The following DYSF variants were observed in gnomAD, a reference collection of about 807,000 sequenced individuals.
DYSF encodes dystrophy-associated fer-1-like 1.
Under a neutral mutation model 274.9 loss-of-function variants are expected in DYSF, and 212 were observed. The observed-to-expected ratio is 0.77, with a 90% confidence interval of 0.69 to 0.86. The LOEUF (loss-of-function observed/expected upper bound fraction) is 0.86. DYSF is among the 40% of genes least tolerant of loss of function. The pLI is 0.00. For missense variants in DYSF, 2,666 were observed against 2,783.2 expected (o/e 0.96, Z 0.95); for synonymous variants, 1,091 against 1,078.7 (o/e 1.01, Z -0.22).
At chr2:71,461,089 A>G (rs547556153) in intron 1 of DYSF, among the ~76,000 whole-genome samples, 1 of 152,220 alleles carries the variant, frequency 6.6e-6, no homozygotes, top group Non-Finnish European at 1.5e-5. Context: ...AGTGTCCACT[A>G]TACCAATGCC....
At chr2:71,586,472 C>G (rs569436744) in intron 30 of DYSF, among the ~76,000 whole-genome samples, 3 of 151,886 alleles carry the variant, frequency 2.0e-5, no homozygotes, top group African/African-American at 7.3e-5. Context: ...GTTTTGGAAC[C>G]CAGGCAGTAT....
At chr2:71,499,479 C>T (rs977823644) in intron 3 of DYSF, among the ~76,000 whole-genome samples, 1 of 152,214 alleles carries the variant, frequency 6.6e-6, no homozygotes, top group Non-Finnish European at 1.5e-5. Flanking sequence ...TTTCTTTGTG[C>T]TTTATTAAAA....
At chr2:71,514,698 A>C (rs951078912) in intron 7 of DYSF, among the ~76,000 whole-genome samples, 1 of 152,168 alleles carries the variant, frequency 6.6e-6, no homozygotes, top group Non-Finnish European at 1.5e-5. Context: ...TATAATACTA[A>C]GTGCAACAAA....
intron 41 of DYSF, among the ~76,000 whole-genome samples, chr2:71,629,753 T>C (rs1438951870): frequency 6.6e-6 from 1 of 152,248 alleles, no homozygotes; most frequent in Non-Finnish European, 1.5e-5. Context: ...GCATTTAAAA[T>C]GGATTTTAGA....
chr2:71,589,039 C>T (rs1438399606), intron 30 of DYSF, among the ~76,000 whole-genome samples: 2 of 152,182 alleles, frequency 1.3e-5, no homozygotes, highest in African/African-American at 2.4e-5. Flanking sequence ...GCTTGGCTTC[C>T]GAGCCTGACT....
chr2:71,474,281 T>C (rs1480886534), intron 1 of DYSF, among the ~76,000 whole-genome samples: 1 of 152,196 alleles, frequency 6.6e-6, no homozygotes, highest in Admixed American at 6.5e-5. Flanking sequence ...ATTTGTCTTT[T>C]TGTAACTGGC....
At chr2:71,618,408 AGGT>A (rs1411390983) in intron 40 of DYSF, among the ~76,000 whole-genome samples, 5 of 13,282 alleles carry the variant, frequency 3.8e-4, no homozygotes, top group Admixed American at 2.2e-3. Context: ...TGTGTGGTAG[AGGT>A]GGTGTGTGTG....
intron 55 of DYSF, among the ~76,000 whole-genome samples, chr2:71,684,859 G>A (rs1001399086): frequency 1.5e-4 from 23 of 152,224 alleles, no homozygotes; most frequent in African/African-American, 5.5e-4. Flanking sequence ...ACATGAGGAA[G>A]GGGCTGCACT....
chr2:71,665,215 T>C lies in DYSF; in HGVS notation c.5228T>C (p.Leu1743Pro), dbSNP rs1669747815. The C allele has an allele frequency of 6.2e-7, 1 of 1,613,786 alleles. No homozygotes were observed. The highest frequency in any genetic ancestry group is 8.5e-7 in the Non-Finnish European group (1 of 1,179,988). The change falls in exon 47 of 56, where the codon CTC becomes CCC. Residue 1743 changes from leucine to proline, a missense_variant. This residue lies in a region of DYSF where 1,460 missense variants were observed against 1,502.1 expected (regional missense o/e 0.97). Transcript: ENST00000410020. Reference protein sequence around the residue: ...DQLRPSQLLHLFCQQHRVKAP... With the variant: ...DQLRPSQLLHPFCQQHRVKAP... ...CTCCGCCCCTCCCAGCTCCTCCACC[T>C]CTTCTGCCAGCAGCATAGAGTCAAG...
chr2:71,551,486 G>A, intron 18 of DYSF, 121 bp from the exon 19 acceptor site: 2 of 823,940 alleles, frequency 2.4e-6, no homozygotes, highest in African/African-American at 1.7e-5. Context: ...GGGGGATGAG[G>A]TTGGCTGAGG....
At chr2:71,476,044 T>G (rs2082369264) in intron 1 of DYSF, among the ~76,000 whole-genome samples, 1 of 152,178 alleles carries the variant, frequency 6.6e-6, no homozygotes, top group Admixed American at 6.6e-5. Context: ...ACTGCTGGGA[T>G]TACAAGTGTG....
intron 47 of DYSF, 24 bp from the exon 48 acceptor site, chr2:71,667,352 T>A: frequency 6.2e-7 from 1 of 1,613,990 alleles, no homozygotes; most frequent in Non-Finnish European, 8.5e-7. Flanking sequence ...CTCCTGCAAC[T>A]TTTTTGTCTT....
intron 1 of DYSF, among the ~76,000 whole-genome samples, chr2:71,461,514 C>T (rs1191349002): frequency 6.6e-6 from 1 of 152,182 alleles, no homozygotes; most frequent in Non-Finnish European, 1.5e-5. Context: ...GCCCTTTGGC[C>T]CGAGGAAATG....
intron 30 of DYSF, among the ~76,000 whole-genome samples, chr2:71,578,580 A>C (rs1223708659): frequency 5.9e-5 from 9 of 152,194 alleles, no homozygotes; most frequent in Non-Finnish European, 1.2e-4. Context: ...CCAGAGTGGC[A>C]GTGTCTAATG....
upstream of DYSF, among the ~76,000 whole-genome samples, chr2:71,462,914 A>C (rs185785869): frequency 4.5e-4 from 69 of 152,252 alleles, no homozygotes; most frequent in Admixed American, 1.2e-3. Context: ...TCCATGGGTG[A>C]CCAGGAGCAG....
intron 13 of DYSF, among the ~76,000 whole-genome samples, 192 bp downstream of exon 13, chr2:71,526,538 C>T (rs1414176978): frequency 6.6e-6 from 1 of 152,264 alleles, no homozygotes; most frequent in Non-Finnish European, 1.5e-5. Flanking sequence ...AGAGTAATAG[C>T]TGCCTCTCAG....
intron 36 of DYSF, among the ~76,000 whole-genome samples, chr2:71,605,229 C>G (rs1021184196): frequency 1.3e-5 from 2 of 152,228 alleles, no homozygotes; most frequent in Non-Finnish European, 2.9e-5. Flanking sequence ...TCCTTCTCCC[C>G]GCCTCTTCTG....
intron 4 of DYSF, among the ~76,000 whole-genome samples, chr2:71,509,148 G>T (rs2085811289): frequency 6.6e-6 from 1 of 151,560 alleles, no homozygotes; most frequent in African/African-American, 2.4e-5. Flanking sequence ...GAGCCACTGT[G>T]CCCAGCCGTC....
chr2:71,479,345 G>A (rs981800448), intron 1 of DYSF, among the ~76,000 whole-genome samples: 1 of 151,760 alleles, frequency 6.6e-6, no homozygotes, highest in African/African-American at 2.4e-5. Context: ...GTGTCTTCAT[G>A]GAAGACGTGT....
Sources: allele counts gnomAD v4.1 joint callset (sites outside exome capture counted in the v4.1 genomes callset), GRCh38; gene constraint gnomAD v4.1.1; regional missense constraint gnomAD v4.1.1; transcripts MANE v1.5; gene names NCBI Gene and HGNC (gene_info 2026-07-23, HGNC 2026-07-21).